The following CTNNA3 variants were observed in gnomAD, a reference collection of about 807,000 sequenced individuals.
CTNNA3 encodes catenin alpha 3.
In CTNNA3, 76 loss-of-function variants were observed where a neutral mutation model predicts 95.7. That is an observed-to-expected ratio of 0.79 (90% CI 0.66 to 0.96). The LOEUF is 0.96. Ranked by LOEUF, CTNNA3 falls within the 40% of genes least tolerant of loss-of-function variation. CTNNA3 has a pLI of 0.00. For missense variants in CTNNA3, 1,191 were observed against 1,089.8 expected, an observed-to-expected ratio of 1.09 and a Z score of -1.31; for synonymous variants, 431 against 374.4, an observed-to-expected ratio of 1.15 and a Z score of -1.74.
chr10:67,296,535 C>T (rs534701488), intron 5 of CTNNA3, among the ~76,000 whole-genome samples: 56 of 152,276 alleles, frequency 3.7e-4, no homozygotes, highest in African/African-American at 1.2e-3. Flanking sequence ...TTGGACTTTG[C>T]GTCTTTCTTT....
At chr10:66,331,009 C>T (rs1006502576) in intron 12 of CTNNA3, among the ~76,000 whole-genome samples, 3 of 152,046 alleles carry the variant, frequency 2.0e-5, no homozygotes, top group African/African-American at 7.2e-5. Flanking sequence ...TTCTCCCATT[C>T]TGTAGGTTGC....
chr10:67,373,513 C>T (rs1037629405), intron 5 of CTNNA3, among the ~76,000 whole-genome samples: 1 of 152,166 alleles, frequency 6.6e-6, no homozygotes, highest in African/African-American at 2.4e-5. Context: ...TAGACTCCCA[C>T]ACAACAATAA....
At chr10:67,705,958 A>C (rs1841076633) in intron 1 of CTNNA3, among the ~76,000 whole-genome samples, 1 of 152,108 alleles carries the variant, frequency 6.6e-6, no homozygotes, top group Admixed American at 6.6e-5. Flanking sequence ...TAGGGGAAGA[A>C]GTGCAGACTT....
chr10:66,946,963 T>A (rs1350801612), intron 7 of CTNNA3, among the ~76,000 whole-genome samples: 1 of 152,184 alleles, frequency 6.6e-6, no homozygotes, highest in Non-Finnish European at 1.5e-5. Context: ...TTTGCATTTT[T>A]AAAATCTATT....
At chr10:67,184,222 T>A (rs942974030) in intron 6 of CTNNA3, among the ~76,000 whole-genome samples, 2 of 152,178 alleles carry the variant, frequency 1.3e-5, no homozygotes, top group African/African-American at 4.8e-5. Context: ...GTCTTGAGAA[T>A]CCCAAACACT....
chr10:66,396,933 T>G (rs2092982734), intron 11 of CTNNA3, among the ~76,000 whole-genome samples: 1 of 151,800 alleles, frequency 6.6e-6, no homozygotes, highest in African/African-American at 2.4e-5. Context: ...CAAACCAATA[T>G]AAGCTTTTCA....
chr10:66,143,870 C>T (rs1046691982), intron 13 of CTNNA3, among the ~76,000 whole-genome samples: 1 of 152,116 alleles, frequency 6.6e-6, no homozygotes, highest in Non-Finnish European at 1.5e-5. Flanking sequence ...AAACTTTAAA[C>T]CATATGACAT....
chr10:67,738,821 G>A (rs11497972), intron 1 of CTNNA3, among the ~76,000 whole-genome samples: 45,401 of 151,960 alleles, frequency 0.3, 7,374 homozygotes, highest in East Asian at 0.52. Flanking sequence ...CCAATTCAAT[G>A]AACTGGAAGA....
intron 13 of CTNNA3, among the ~76,000 whole-genome samples, chr10:66,255,032 A>G (rs1322810653): frequency 4.6e-5 from 7 of 152,124 alleles, no homozygotes; most frequent in Admixed American, 1.3e-4. Flanking sequence ...AACACTGTAA[A>G]CCGTGCCTTG....
chr10:67,518,308 T>C (rs577500795), intron 5 of CTNNA3, among the ~76,000 whole-genome samples: 6 of 152,250 alleles, frequency 3.9e-5, no homozygotes, highest in South Asian at 2.1e-4. Flanking sequence ...GGAGGTGTTA[T>C]GAGGGAGGCT....
intron 5 of CTNNA3, among the ~76,000 whole-genome samples, chr10:67,337,685 C>T (rs1022739693): frequency 3.9e-5 from 6 of 152,098 alleles, no homozygotes; most frequent in African/African-American, 1.2e-4. Context: ...TAAGAAATTG[C>T]CACAGCCACC....
chr10:67,457,228 T>A (rs1847206639), intron 5 of CTNNA3, among the ~76,000 whole-genome samples: 2 of 152,106 alleles, frequency 1.3e-5, no homozygotes, highest in Non-Finnish European at 2.9e-5. Context: ...AAAGCCAAAG[T>A]TATGGCCAAG....
intron 9 of CTNNA3, among the ~76,000 whole-genome samples, chr10:66,757,174 T>A (rs1839393638): frequency 6.6e-6 from 1 of 152,178 alleles, no homozygotes; most frequent in Admixed American, 6.5e-5. Flanking sequence ...CTCATGCTCC[T>A]GAGCCCTTTC....
At chr10:66,348,867 G>A (rs919635885) in intron 12 of CTNNA3, among the ~76,000 whole-genome samples, 3 of 152,060 alleles carry the variant, frequency 2.0e-5, no homozygotes, top group Admixed American at 1.3e-4. Flanking sequence ...AAATTTCCTG[G>A]TGCTTCTACT....
chr10:67,321,389 G>A (rs1159030487), intron 5 of CTNNA3, among the ~76,000 whole-genome samples: 1 of 152,160 alleles, frequency 6.6e-6, no homozygotes, highest in Non-Finnish European at 1.5e-5. Context: ...TTTGATGGAA[G>A]CATTTATGTG....
At chr10:66,804,845 T>C (rs1841577381) in intron 7 of CTNNA3, among the ~76,000 whole-genome samples, 1 of 152,092 alleles carries the variant, frequency 6.6e-6, no homozygotes, top group Admixed American at 6.6e-5. Context: ...AAAGGCATGT[T>C]TGCAAGGCTG....
chr10:66,158,201 A>G (rs2084647540), intron 13 of CTNNA3, among the ~76,000 whole-genome samples: 2 of 151,946 alleles, frequency 1.3e-5, no homozygotes, highest in Non-Finnish European at 2.9e-5. Flanking sequence ...TTTTTACTGA[A>G]TTTGCTTTTG....
At chr10:66,833,154 A>G (rs957945672) in intron 7 of CTNNA3, among the ~76,000 whole-genome samples, 3 of 152,228 alleles carry the variant, frequency 2.0e-5, no homozygotes, top group African/African-American at 7.2e-5. Flanking sequence ...GTTGCTAGGT[A>G]GTCCTCTGAG....
chr10:67,060,215 G>A (rs1176107853), intron 7 of CTNNA3, among the ~76,000 whole-genome samples: 3 of 152,096 alleles, frequency 2.0e-5, no homozygotes, highest in Non-Finnish European at 2.9e-5. Flanking sequence ...CTACTTGGGA[G>A]GCTGAGATGG....
Sources: gnomAD v4.1 joint callset for allele counts (sites outside exome capture counted in the v4.1 genomes callset) on GRCh38, gnomAD v4.1.1 for gene constraint, MANE v1.5 for transcripts, NCBI Gene and HGNC (gene_info 2026-07-23, HGNC 2026-07-21) for gene names.